The following SLC25A17 variants were observed in gnomAD, a reference collection of about 807,000 sequenced individuals.
SLC25A17 encodes the protein peroxisomal membrane protein PMP34.
In SLC25A17, 26 loss-of-function variants were observed where a neutral mutation model predicts 38.5. That is an observed-to-expected ratio of 0.68 (90% CI 0.50 to 0.94). SLC25A17 has a LOEUF of 0.94. Among genes scored for constraint, SLC25A17 ranks in the 40% least tolerant of loss-of-function variants. SLC25A17 has a pLI of 0.00. For missense variants in SLC25A17, 333 were observed against 372.7 expected (o/e 0.89, Z 0.88); for synonymous variants, 139 against 136.2 (o/e 1.02, Z -0.14).
At chr22:40,813,525 G>A (rs1201781090) in intron 1 of SLC25A17, among the ~76,000 whole-genome samples, 1 of 151,782 alleles carries the variant, frequency 6.6e-6, no homozygotes, top group Non-Finnish European at 1.5e-5. Flanking sequence ...GTGACAGAGC[G>A]AGACTCTGTA....
chr22:40,800,789 CAAAA>C (rs150918938), intron 1 of SLC25A17, among the ~76,000 whole-genome samples: 1 of 110,334 alleles, frequency 9.1e-6, no homozygotes. Context: ...GAGTCTGCCT[CAAAA>C]AAAAAAAAAA....
intron 7 of SLC25A17, among the ~76,000 whole-genome samples, chr22:40,775,196 C>A (rs1276744790): frequency 6.6e-6 from 1 of 152,182 alleles, no homozygotes; most frequent in African/African-American, 2.4e-5. Flanking sequence ...AGTTTCCCTG[C>A]TGCTCTTGCA....
rs2057394903 is a variant in SLC25A17 at position 40,792,678 on chromosome 22, TA to T, written c.183-3del. On this transcript the variant is annotated splice_polypyrimidine_tract_variant and splice_region_variant and intron_variant, in intron 3 of 8. Transcript: ENST00000435456. Reference sequence around the variant, plus strand: ...AACCACCCTCGATATGGTGCCAGGCTAGGGGAAAAACACAATAAGCAAAGTA... The same window carrying T: ...AACCACCCTCGATATGGTGCCAGGCTGGGGAAAAACACAATAAGCAAAGTA... The T allele has an allele frequency of 1.9e-6, 3 of 1,613,744 alleles. No individual in the cohort carries two copies. The highest frequency in any genetic ancestry group is 2.5e-6 in the Non-Finnish European group (3 of 1,179,868).
intron 8 of SLC25A17, among the ~76,000 whole-genome samples, chr22:40,771,695 G>A (rs140947136): frequency 5.3e-5 from 8 of 152,278 alleles, no homozygotes; most frequent in African/African-American, 1.9e-4. Context: ...TAGAAGGATG[G>A]TTACCAGAGA....
chr22:40,801,128 C>CATATATATATATATATAT (rs60780380), intron 1 of SLC25A17, among the ~76,000 whole-genome samples: 2 of 101,202 alleles, frequency 2.0e-5, no homozygotes, highest in Non-Finnish European at 3.9e-5. Flanking sequence ...AAATATATTA[C>CATATATATATATATATAT]ATATATATAT....
intron 5 of SLC25A17, among the ~76,000 whole-genome samples, chr22:40,778,450 GAGA>G (rs1939000986): frequency 6.6e-6 from 1 of 150,824 alleles, no homozygotes; most frequent in African/African-American, 2.5e-5. Context: ...CATGTGAACT[GAGA>G]CTGTCAGGCT....
rs1038992528 is a variant in SLC25A17 at position 40,790,112 on chromosome 22, G to A, written c.334+2413C>T. ...CCCAGCACTTTGGGAGGCCGAGGCA[G>A]GCAGATCACCTGAGGTCAGGAGTTT... On this transcript the variant is annotated intron_variant, in intron 4 of 8. Coordinates refer to ENST00000435456, the MANE Select transcript of SLC25A17 (RefSeq NM_006358.4). Among the ~76,000 whole-genome samples, 5 of 151,978 alleles carry A rather than the reference G, an allele frequency of 3.3e-5. No individual in the cohort carries two copies. In the East Asian group the frequency reaches 9.8e-4, roughly 30 times the overall value.
intron 1 of SLC25A17, among the ~76,000 whole-genome samples, chr22:40,815,365 C>G (rs1207671863): frequency 6.6e-6 from 1 of 152,152 alleles, no homozygotes; most frequent in Non-Finnish European, 1.5e-5. Context: ...GTAGCAGACA[C>G]TGAATATGTC....
At chr22:40,785,403 C>A (rs560768137) in intron 4 of SLC25A17, among the ~76,000 whole-genome samples, 73 of 152,272 alleles carry the variant, frequency 4.8e-4, no homozygotes, top group Non-Finnish European at 8.8e-4. Flanking sequence ...ACAAAAAAAG[C>A]TCTGTTAAAC....
intron 4 of SLC25A17, 133 bp downstream of exon 4, chr22:40,792,392 T>TAAAA: frequency 6.9e-6 from 4 of 580,484 alleles, no homozygotes; most frequent in Non-Finnish European, 1.1e-5. Flanking sequence ...TTAACACAAT[T>TAAAA]AAAAAAAAAA....
intron 8 of SLC25A17, among the ~76,000 whole-genome samples, 181 bp from the exon 9 acceptor site, chr22:40,771,162 C>T (rs1291000310): frequency 2.6e-5 from 4 of 152,224 alleles, no homozygotes; most frequent in Non-Finnish European, 5.9e-5. Context: ...GGCTGGAGTG[C>T]AGTGGCGCGA....
intron 1 of SLC25A17, among the ~76,000 whole-genome samples, chr22:40,801,935 C>A (rs752740406): frequency 5.3e-5 from 8 of 152,064 alleles, no homozygotes; most frequent in Admixed American, 1.3e-4. Context: ...GGATTAAGGG[C>A]GCCCGCCTCC....
chr22:40,811,259 G>T (rs975736807), intron 1 of SLC25A17, among the ~76,000 whole-genome samples: 7 of 145,778 alleles, frequency 4.8e-5, no homozygotes, highest in African/African-American at 1.3e-4. Context: ...TTTAATTTTT[G>T]TTTTTTTTTT....
rs370481904 is a variant in SLC25A17 at position 40,795,453 on chromosome 22, C to T, written c.116-873G>A. Among the ~76,000 whole-genome samples the T allele has an allele frequency of 1.2e-4, 19 of 152,160 alleles. No homozygotes were observed. In the East Asian group the frequency reaches 1.7e-3, roughly 14 times the overall value. ...GACTACAGGCGCCCACCACGATGCC[C>T]GGCTAATTTTTTGTTTTTGTAGTAG... On this transcript the variant is annotated intron_variant, in intron 2 of 8. Transcript: ENST00000435456.
chr22:40,803,526 T>G (rs2057502264), intron 1 of SLC25A17, among the ~76,000 whole-genome samples: 1 of 152,232 alleles, frequency 6.6e-6, no homozygotes, highest in African/African-American at 2.4e-5. Flanking sequence ...CCCATTGGTA[T>G]ATTTACATTT....
intron 1 of SLC25A17, among the ~76,000 whole-genome samples, chr22:40,808,751 G>A (rs1019874798): frequency 1.3e-5 from 2 of 152,304 alleles, no homozygotes; most frequent in South Asian, 4.1e-4. Flanking sequence ...ATACAGTCTA[G>A]TGATTCTCAA....
chr22:40,817,657 C>T (rs1176712506), intron 1 of SLC25A17, among the ~76,000 whole-genome samples: 1 of 152,196 alleles, frequency 6.6e-6, no homozygotes, highest in East Asian at 1.9e-4. Flanking sequence ...TCTGCTACCA[C>T]CCGGATCCAA....
intron 7 of SLC25A17, 150 bp downstream of exon 7, chr22:40,776,890 T>C (rs1445593149): frequency 2.9e-6 from 2 of 679,704 alleles, no homozygotes; most frequent in Non-Finnish European, 4.9e-6. Context: ...GGAGATCCTG[T>C]CTCAAAAAAA....
At chr22:40,788,521 T>C (rs537334533) in intron 4 of SLC25A17, among the ~76,000 whole-genome samples, 11 of 152,192 alleles carry the variant, frequency 7.2e-5, no homozygotes, top group Admixed American at 2.0e-4. Context: ...TGAAACTCCA[T>C]ATCTACTAAA....
Sources: allele counts gnomAD v4.1 joint callset (sites outside exome capture counted in the v4.1 genomes callset), GRCh38; gene constraint gnomAD v4.1.1; transcripts MANE v1.5; gene names NCBI Gene and HGNC (gene_info 2026-07-23, HGNC 2026-07-21).